The following FGF12 variants were observed in gnomAD, a reference collection of about 807,000 sequenced individuals.
The protein encoded by FGF12 is fibroblast growth factor 12B.
In FGF12, 14 loss-of-function variants were observed where a neutral mutation model predicts 23.6. That is an observed-to-expected ratio of 0.59 (90% CI 0.39 to 0.93). FGF12 has a LOEUF of 0.93. Among genes scored for constraint, FGF12 ranks in the 40% least tolerant of loss-of-function variants. FGF12 has a pLI of 0.00. For missense variants in FGF12, 175 were observed against 217.8 expected (o/e 0.80, Z 1.24); for synonymous variants, 62 against 77.3 (o/e 0.80, Z 1.04).
chr3:192,662,496 C>T (rs1716708443), intron 2 of FGF12, among the ~76,000 whole-genome samples: 2 of 152,196 alleles, frequency 1.3e-5, no homozygotes, highest in Admixed American at 6.5e-5. Flanking sequence ...CAGGGTCAGT[C>T]TCCAATACAT....
At chr3:192,635,814 G>A (rs745906081) in intron 2 of FGF12, among the ~76,000 whole-genome samples, 1 of 152,146 alleles carries the variant, frequency 6.6e-6, no homozygotes, top group Non-Finnish European at 1.5e-5. Flanking sequence ...CTATGGAGAA[G>A]TCTGGATAAG....
intron 4 of FGF12, among the ~76,000 whole-genome samples, chr3:192,201,235 G>C (rs1717351246): frequency 6.6e-6 from 1 of 152,106 alleles, no homozygotes; most frequent in South Asian, 2.1e-4. Context: ...GATCTCTTTA[G>C]CATTGTCCTG....
Position 192,378,450 on chromosome 3 carries a change from A to G in FGF12, c.14-17912T>C, listed in dbSNP as rs6780102. Among the ~76,000 whole-genome samples, 90 of 142,382 alleles carry G rather than the reference A, an allele frequency of 6.3e-4. 6 individuals are homozygous for G. The highest frequency in any genetic ancestry group is 2.7e-3 in the African/African-American group (88 of 32,284). 93.4% of individuals were successfully genotyped at this position (142,382 alleles called of 152,430 possible). On this transcript the variant is annotated intron_variant, in intron 2 of 5. Transcript: ENST00000445105. ...AAATAGCTTTCCCAAAAATGCAAAGATATAGACACAACTACTTTTGTAACT... is the reference window on the plus strand; with the variant it reads ...AAATAGCTTTCCCAAAAATGCAAAGGTATAGACACAACTACTTTTGTAACT...
intron 2 of FGF12, among the ~76,000 whole-genome samples, chr3:192,724,232 CT>C (rs1719139103): frequency 6.6e-6 from 1 of 152,124 alleles, no homozygotes; most frequent in Non-Finnish European, 1.5e-5. Flanking sequence ...CTAATTCTGA[CT>C]CAATAGACCT....
intron 2 of FGF12, among the ~76,000 whole-genome samples, chr3:192,554,655 C>T (rs535558920): frequency 6.6e-6 from 1 of 151,884 alleles, no homozygotes; most frequent in East Asian, 1.9e-4. Flanking sequence ...TTATAAGGCA[C>T]ATAATAAACA....
intron 2 of FGF12, among the ~76,000 whole-genome samples, chr3:192,485,818 T>A (rs79379171): frequency 0.05 from 7,600 of 152,240 alleles, 661 homozygotes; most frequent in African/African-American, 0.17. Flanking sequence ...TATAACTGCA[T>A]CTGAACTGAG....
chr3:192,601,596 A>C (rs1396296898), intron 2 of FGF12, among the ~76,000 whole-genome samples: 4 of 152,052 alleles, frequency 2.6e-5, no homozygotes, highest in African/African-American at 9.7e-5. Flanking sequence ...AAAAAAAGTC[A>C]CTGGTTGCTA....
chr3:192,582,521 C>T (rs1452310081), intron 2 of FGF12, among the ~76,000 whole-genome samples: 1 of 151,912 alleles, frequency 6.6e-6, no homozygotes, highest in African/African-American at 2.4e-5. Flanking sequence ...TGGTCCAGCA[C>T]AAAGAGAAAT....
At chr3:192,653,494 T>G (rs1215129052) in intron 2 of FGF12, among the ~76,000 whole-genome samples, 4 of 152,190 alleles carry the variant, frequency 2.6e-5, no homozygotes, top group Non-Finnish European at 5.9e-5. Flanking sequence ...TATGATCTCC[T>G]TTTAAACAAT....
Position 192,154,109 on chromosome 3 carries a change from C to T in FGF12, c.428-9982G>A, listed in dbSNP as rs1383822523. ...CCCTTCTTCCAGTTGATCGCATCGG[C>T]TCCTGAGGCTTCTGCATTCTTCATG... On this transcript the variant is annotated intron_variant, in intron 5 of 5. Transcript: ENST00000445105. 5.1e-5 allele frequency among the ~76,000 whole-genome samples: 6 copies of T among 118,052 alleles called. 2 individuals are homozygous for T. Among genetic ancestry groups the T allele is most frequent in the African/African-American group, 1.9e-4 (6 of 31,362 alleles). 77.4% of individuals were successfully genotyped at this position (118,052 alleles called of 152,430 possible).
At chr3:192,310,442 T>C (rs566090569) in intron 4 of FGF12, among the ~76,000 whole-genome samples, 1 of 152,172 alleles carries the variant, frequency 6.6e-6, no homozygotes, top group African/African-American at 2.4e-5. Flanking sequence ...TTTAAAATAT[T>C]TATACTTAAA....
chr3:192,597,170 C>T (rs1168854421), intron 2 of FGF12, among the ~76,000 whole-genome samples: 4 of 152,112 alleles, frequency 2.6e-5, no homozygotes, highest in Non-Finnish European at 5.9e-5. Context: ...AATTCCTACC[C>T]TAACTTATTG....
intron 4 of FGF12, among the ~76,000 whole-genome samples, chr3:192,192,506 A>G (rs1169200896): frequency 6.7e-6 from 1 of 148,480 alleles, no homozygotes; most frequent in African/African-American, 2.4e-5. Flanking sequence ...CATGTTATAT[A>G]TAAATTATAT....
chr3:192,357,162 C>A (rs1186353398), intron 3 of FGF12, among the ~76,000 whole-genome samples: 1 of 152,080 alleles, frequency 6.6e-6, no homozygotes, highest in Admixed American at 6.6e-5. Context: ...TGTAATTTTT[C>A]TGAAGTCTTA....
At chr3:192,659,137 T>C (rs1422346422) in intron 2 of FGF12, among the ~76,000 whole-genome samples, 1 of 152,236 alleles carries the variant, frequency 6.6e-6, no homozygotes, top group African/African-American at 2.4e-5. Flanking sequence ...GGACATCATC[T>C]ATTCTAAAAT....
chr3:192,612,083 T>C (rs1325858204), intron 2 of FGF12, among the ~76,000 whole-genome samples: 2 of 151,956 alleles, frequency 1.3e-5, no homozygotes, highest in South Asian at 2.1e-4. Flanking sequence ...ACTCTCTATA[T>C]ACCCATTTAT....
At chr3:192,579,546 C>T (rs867434274) in intron 2 of FGF12, among the ~76,000 whole-genome samples, 32 of 152,102 alleles carry the variant, frequency 2.1e-4, no homozygotes, top group South Asian at 4.2e-4. Context: ...TGCTGTAAAC[C>T]ACATGTTATT....
At chr3:192,574,795 G>A (rs1333549230) in intron 2 of FGF12, among the ~76,000 whole-genome samples, 1 of 152,232 alleles carries the variant, frequency 6.6e-6, no homozygotes, top group Non-Finnish European at 1.5e-5. Flanking sequence ...CTCCAGCCCA[G>A]TCAAACTTTC....
chr3:192,168,503 T>G (rs771597121), intron 5 of FGF12, among the ~76,000 whole-genome samples: 1 of 152,208 alleles, frequency 6.6e-6, no homozygotes, highest in African/African-American at 2.4e-5. Flanking sequence ...TCTTACTTTT[T>G]GGGAAAATAA....
Sources: gnomAD v4.1 joint callset for allele counts (sites outside exome capture counted in the v4.1 genomes callset) on GRCh38, gnomAD v4.1.1 for gene constraint, MANE v1.5 for transcripts, NCBI Gene and HGNC (gene_info 2026-07-23, HGNC 2026-07-21) for gene names.